Variants in SLC30A7 observed in about 807,000 individuals in gnomAD.
SLC30A7 encodes zinc transporter 7.
A neutral mutation model predicts 46.0 loss-of-function variants in SLC30A7; 35 were observed. The ratio of observed to expected loss-of-function variants is 0.76; its 90% CI spans 0.58 to 1.01. The LOEUF is 1.01. SLC30A7 is among the 50% of genes least tolerant of loss of function. SLC30A7 has a pLI of 0.00. For missense variants in SLC30A7, 464 were observed against 451.1 expected (o/e 1.03, Z -0.26); for synonymous variants, 147 against 157.8 (o/e 0.93, Z 0.51).
intron 2 of SLC30A7, among the ~76,000 whole-genome samples, chr1:100,905,976 A>G (rs1042409268): frequency 3.3e-5 from 5 of 152,164 alleles, no homozygotes; most frequent in Non-Finnish European, 7.3e-5. Flanking sequence ...GTTTAAAAGA[A>G]TAATAGAGAC....
At position 100,918,073 on chromosome 1, in the gene SLC30A7, A is replaced by G. The variant is rs1652697082; in HGVS notation, c.656-4A>G. The stretch of plus-strand genomic sequence containing the variant: ...ATGTTTTAAAATAACTTAATTCTCT[A>G]CAGATGGCCCGTCCTTAAAAGAAAC... On this transcript the variant is annotated splice_region_variant and splice_polypyrimidine_tract_variant and intron_variant, in intron 6 of 10. Transcript: ENST00000357650. 6.2e-7 allele frequency: 1 copy of G among 1,610,716 alleles called. No individual in the cohort carries two copies. Among genetic ancestry groups the G allele is most frequent in the Non-Finnish European group, 8.5e-7 (1 of 1,177,710 alleles).
chr1:100,916,956 T>C (rs569290693), intron 6 of SLC30A7, among the ~76,000 whole-genome samples: 105 of 152,352 alleles, frequency 6.9e-4, no homozygotes, highest in African/African-American at 2.5e-3. Context: ...TTTTATCAGA[T>C]ACATAGTTTG....
Position 100,971,318 on chromosome 1 carries a change from C to CT in SLC30A7, c.1084-3491dup, listed in dbSNP as rs146365327. Among the ~76,000 whole-genome samples, 971 of 151,452 alleles carry CT rather than the reference C, an allele frequency of 6.4e-3. 16 individuals carry two copies. Among genetic ancestry groups the CT allele is most frequent in the African/African-American group, 0.02 (842 of 41,388 alleles). ...TTTTCCACCTTTCCTTTTTTTTTCT[C>CT]TAAGCTTTTGGTCAAGGGCTTTAAT... is the stretch of plus-strand genomic sequence containing the variant. On this transcript the variant is annotated intron_variant, in intron 10 of 10. Coordinates refer to ENST00000357650, the MANE Select transcript of SLC30A7 (RefSeq NM_133496.5).
the SLC30A7 span, chr1:100,992,759 A>G: frequency 1.7e-5 from 26 of 1,558,470 alleles, no homozygotes; most frequent in Non-Finnish European, 2.1e-5. Flanking sequence ...AGAAAACTAG[A>G]TGCCACTGTT....
At chr1:100,993,576 A>ATG in the SLC30A7 span, among the ~76,000 whole-genome samples, 4 of 89,948 alleles carry the variant, frequency 4.4e-5, 1 homozygote, top group Non-Finnish European at 7.6e-5. Context: ...ATATATATAT[A>ATG]TATATATATA....
chr1:100,969,140 T>G lies in SLC30A7; in HGVS notation c.1083+3222T>G, dbSNP rs80318993. Among the ~76,000 whole-genome samples the G allele has an allele frequency of 2.9e-3, 444 of 152,336 alleles. 6 individuals are homozygous for G. Among genetic ancestry groups the G allele is most frequent in the African/African-American group, 0.01 (432 of 41,572 alleles). ...AATATGCTGGTACCACTTATTTATT[T>G]CAGAATTTTAACAACCAGGTGTCTT... On this transcript the variant is annotated intron_variant, in intron 10 of 10. Coordinates refer to ENST00000357650, the MANE Select transcript of SLC30A7 (RefSeq NM_133496.5).
intron 8 of SLC30A7, among the ~76,000 whole-genome samples, chr1:100,948,293 G>A (rs919734001): frequency 5.3e-5 from 8 of 151,950 alleles, no homozygotes; most frequent in Admixed American, 2.0e-4. Flanking sequence ...TTTCTCCTTC[G>A]CTTATGAAGC....
chr1:100,929,050 C>T (rs940421731), intron 8 of SLC30A7, among the ~76,000 whole-genome samples: 8 of 151,846 alleles, frequency 5.3e-5, no homozygotes, highest in South Asian at 2.1e-4. Flanking sequence ...GTCTAAACTA[C>T]GCATTTATCT....
At chr1:100,946,757 A>T (rs6667818) in intron 8 of SLC30A7, among the ~76,000 whole-genome samples, 42,776 of 151,818 alleles carry the variant, frequency 0.28, 6,157 homozygotes, top group Middle Eastern at 0.36. Context: ...TTTTTTTTGT[A>T]GTGTCTCTGC....
chr1:100,927,845 T>C (rs181805887), intron 8 of SLC30A7, among the ~76,000 whole-genome samples: 6 of 152,108 alleles, frequency 3.9e-5, no homozygotes, highest in African/African-American at 1.4e-4. Flanking sequence ...TGGCCTAAGA[T>C]AGGGTCAATC....
intron 8 of SLC30A7, chr1:100,941,602 A>G: frequency 3.4e-6 from 2 of 586,882 alleles, no homozygotes; most frequent in Non-Finnish European, 3.2e-6. Context: ...CTCTTAGGTG[A>G]TGTTCTTCAG....
chr1:100,929,477 C>G (rs765951587), intron 8 of SLC30A7, among the ~76,000 whole-genome samples: 16 of 151,956 alleles, frequency 1.1e-4, no homozygotes, highest in Non-Finnish European at 2.4e-4. Flanking sequence ...ATAGTGAAAA[C>G]TCTTAAAAAA....
intron 10 of SLC30A7, among the ~76,000 whole-genome samples, chr1:100,970,556 A>C (rs1204737693): frequency 3.9e-5 from 6 of 151,978 alleles, no homozygotes; most frequent in Admixed American, 3.9e-4. Context: ...TTAAAGTACC[A>C]GGTTTTCTGT....
At chr1:100,960,440 A>C (rs1441123228) in intron 8 of SLC30A7, among the ~76,000 whole-genome samples, 2 of 152,118 alleles carry the variant, frequency 1.3e-5, no homozygotes, top group Non-Finnish European at 2.9e-5. Context: ...TATGACCAGC[A>C]CTTTGCTAGA....
intron 2 of SLC30A7, among the ~76,000 whole-genome samples, chr1:100,901,107 AC>A (rs959189092): frequency 4.0e-5 from 6 of 151,790 alleles, no homozygotes; most frequent in Non-Finnish European, 8.8e-5. Context: ...GATAAAATCC[AC>A]CCCCCCTTAA....
At position 100,896,270 on chromosome 1, in the gene SLC30A7, C is replaced by T; in HGVS notation, c.8C>T (p.Pro3Leu). MLPLSIKDDEYKP... is the reference protein window; with the variant it reads MLLLSIKDDEYKP... ...CTTCGCCGGGCAGAGAAGATGTTGCCCCTGTCCATCAAAGACGATGAATAC... is the reference window on the plus strand; with the variant it reads ...CTTCGCCGGGCAGAGAAGATGTTGCTCCTGTCCATCAAAGACGATGAATAC... Residue 3 changes from proline to leucine, a missense_variant, in exon 1 of 11, where the codon CCC becomes CTC. Coordinates refer to ENST00000357650, the MANE Select transcript of SLC30A7 (RefSeq NM_133496.5). 1 of 1,614,200 alleles carries T rather than the reference C, an allele frequency of 6.2e-7. No homozygotes were observed. The highest frequency in any genetic ancestry group is 8.5e-7 in the Non-Finnish European group (1 of 1,180,036).
At chr1:100,957,755 A>G in intron 8 of SLC30A7, among the ~76,000 whole-genome samples, 1 of 152,180 alleles carries the variant, frequency 6.6e-6, no homozygotes, top group East Asian at 1.9e-4. Flanking sequence ...CTAATTCTCA[A>G]ACATAATTCA....
At chr1:100,969,775 T>G (rs768055968) in intron 10 of SLC30A7, among the ~76,000 whole-genome samples, 1 of 152,160 alleles carries the variant, frequency 6.6e-6, no homozygotes, top group Non-Finnish European at 1.5e-5. Context: ...GCTCAACACA[T>G]TTTTCCTAGG....
At chr1:100,993,367 A>G in the SLC30A7 span, among the ~76,000 whole-genome samples, 110 of 151,586 alleles carry the variant, frequency 7.3e-4, no homozygotes, top group Non-Finnish European at 1.3e-3. Context: ...CCTGACCAAC[A>G]TGGTGAAACT....
Sources: allele counts gnomAD v4.1 joint callset (sites outside exome capture counted in the v4.1 genomes callset), GRCh38; gene constraint gnomAD v4.1.1; transcripts MANE v1.5; gene names NCBI Gene and HGNC (gene_info 2026-07-23, HGNC 2026-07-21).